Variants in UPP2 observed in about 807,000 individuals in gnomAD.
UPP2 encodes the protein UPase 2.
In UPP2, 23 loss-of-function variants were observed where a neutral mutation model predicts 26.7. The observed-to-expected ratio is 0.86, with a 90% CI of 0.62 to 1.22. The LOEUF is 1.22. Ranked by LOEUF, UPP2 falls within the 50% of genes most tolerant of loss-of-function variation. The pLI is 0.00. For synonymous variants in UPP2, 127 were observed against 141.3 expected (o/e 0.90, Z 0.72); for missense variants, 387 against 396.7 (o/e 0.98, Z 0.21).
intron 3 of UPP2, among the ~76,000 whole-genome samples, chr2:158,095,441 C>T (rs1682970165): frequency 6.6e-6 from 1 of 152,154 alleles, no homozygotes; most frequent in African/African-American, 2.4e-5. Context: ...ACCTTCAACA[C>T]CCAGATCAAA....
chr2:158,091,690 G>C (rs553418406), intron 3 of UPP2, among the ~76,000 whole-genome samples: 2 of 152,290 alleles, frequency 1.3e-5, no homozygotes, highest in East Asian at 3.9e-4. Context: ...GGGCTCAGCT[G>C]GCTGTTGGAT....
At position 158,102,030 on chromosome 2, in the gene UPP2, T is replaced by C. The variant is rs1035514004; in HGVS notation, c.-34T>C. 5 of 1,607,132 alleles carry C rather than the reference T, an allele frequency of 3.1e-6. No homozygotes were observed. The African/African-American group carries it at 5.6e-5, about 18-fold the overall frequency. On this transcript the variant is annotated 5_prime_UTR_variant, in exon 1 of 7. Coordinates refer to ENST00000005756, the MANE Select transcript of UPP2 (RefSeq NM_173355.4). Reference sequence around the variant, plus strand: ...GTCACAATATCTCTCTTTCTTGACATCAATTTAAGGTGACTTTTCACATAG... The same window carrying C: ...GTCACAATATCTCTCTTTCTTGACACCAATTTAAGGTGACTTTTCACATAG...
intron 2 of UPP2, among the ~76,000 whole-genome samples, chr2:158,111,750 A>G (rs1163710450): frequency 6.6e-6 from 1 of 151,638 alleles, no homozygotes; most frequent in African/African-American, 2.4e-5. Context: ...GTTTTGTTTC[A>G]GTTTTGTTTC....
intron 3 of UPP2, among the ~76,000 whole-genome samples, chr2:158,036,411 A>T (rs1684000772): frequency 6.6e-6 from 1 of 152,134 alleles, no homozygotes; most frequent in Admixed American, 6.5e-5. Context: ...GTTCCTGTGG[A>T]GTCCAGGTGT....
chr2:158,031,994 C>T (rs56921276), intron 3 of UPP2, among the ~76,000 whole-genome samples: 23,667 of 152,052 alleles, frequency 0.16, 3,579 homozygotes, highest in African/African-American at 0.4. Flanking sequence ...TTGTGTTCCC[C>T]TCTGGGTGGC....
At chr2:158,084,629 T>C (rs1166548377) in intron 3 of UPP2, among the ~76,000 whole-genome samples, 1 of 152,148 alleles carries the variant, frequency 6.6e-6, no homozygotes, top group Non-Finnish European at 1.5e-5. Flanking sequence ...AGTTTCAGGT[T>C]TCAGATTTAA....
intron 2 of UPP2, among the ~76,000 whole-genome samples, chr2:158,006,492 A>C (rs2105137347): frequency 6.6e-6 from 1 of 151,906 alleles, no homozygotes; most frequent in African/African-American, 2.4e-5. Context: ...AAAAAAAAAA[A>C]AAAAAAAGTC....
Position 158,016,320 on chromosome 2 carries a change from C to CA in UPP2, c.147+442dup, listed in dbSNP as rs1293214399. Among the ~76,000 whole-genome samples the CA allele has an allele frequency of 1.1e-4, 16 of 151,196 alleles. No individual in the cohort carries two copies. The South Asian group carries it at 2.5e-3, about 24-fold the overall frequency. On this transcript the variant is annotated intron_variant, in intron 3 of 9. Transcript: ENST00000605860. The stretch of plus-strand genomic sequence containing the variant: ...GAGGTTTATGGATGACTTATATTAG[C>CA]AAAAAAAATTCTTGTGAATTAGATG...
chr2:158,048,789 C>A (rs1335508355), intron 3 of UPP2, among the ~76,000 whole-genome samples: 7 of 152,170 alleles, frequency 4.6e-5, no homozygotes, highest in South Asian at 2.1e-4. Flanking sequence ...TCTTGCTTCC[C>A]TGGGATCTAC....
intron 3 of UPP2, among the ~76,000 whole-genome samples, chr2:158,041,422 T>C (rs1346047113): frequency 1.3e-5 from 2 of 152,176 alleles, no homozygotes; most frequent in Non-Finnish European, 2.9e-5. Context: ...CATGAGAGGG[T>C]CATTTCTGCA....
chr2:158,123,627 A>C (rs574627867), intron 5 of UPP2, 122 bp from the exon 6 acceptor site: 35 of 1,173,316 alleles, frequency 3.0e-5, no homozygotes, highest in Non-Finnish European at 4.0e-5. Context: ...TTTATCCTAC[A>C]CGGGGAGCAC....
chr2:158,037,353 C>A (rs548034765), intron 3 of UPP2, among the ~76,000 whole-genome samples: 28 of 151,862 alleles, frequency 1.8e-4, no homozygotes, highest in East Asian at 3.9e-4. Context: ...CCAGCCTGGG[C>A]AACAGGCTGG....
intron 1 of UPP2, among the ~76,000 whole-genome samples, chr2:158,102,734 C>T (rs1403827744): frequency 6.6e-6 from 1 of 152,108 alleles, no homozygotes; most frequent in Non-Finnish European, 1.5e-5. Flanking sequence ...TTGCTGGTTC[C>T]CTCTGATTTC....
At chr2:158,104,650 G>A (rs974031598) in intron 1 of UPP2, among the ~76,000 whole-genome samples, 6 of 152,106 alleles carry the variant, frequency 3.9e-5, no homozygotes, top group African/African-American at 1.4e-4. Flanking sequence ...GGCTAGGCAT[G>A]ATGGCTCACA....
upstream of UPP2, among the ~76,000 whole-genome samples, chr2:158,100,858 A>G (rs754894455): frequency 2.0e-5 from 3 of 152,122 alleles, no homozygotes; most frequent in Admixed American, 6.5e-5. Context: ...TTTCCTTCCT[A>G]TTCTGTAAAC....
chr2:158,080,548 G>A (rs564753028), intron 3 of UPP2, among the ~76,000 whole-genome samples: 29 of 152,188 alleles, frequency 1.9e-4, no homozygotes, highest in South Asian at 4.2e-4. Flanking sequence ...GATTATACCC[G>A]GAACAATGCA....
intron 2 of UPP2, among the ~76,000 whole-genome samples, chr2:158,002,522 C>A (rs935735533): frequency 4.6e-5 from 7 of 152,264 alleles, no homozygotes; most frequent in Non-Finnish European, 8.8e-5. Flanking sequence ...ATCTGGCAGG[C>A]CTGCCTGCAC....
rs181075058 is a variant in UPP2 at position 158,074,213 on chromosome 2, A to C, written c.148-27827A>C. ...ACAAAATCCAAACAGAAAAGAAAGA[A>C]AATACATCATCTGAAGATAGAAAAC... is the stretch of plus-strand genomic sequence containing the variant. On this transcript the variant is annotated intron_variant, in intron 3 of 9. Transcript: ENST00000605860. Among the ~76,000 whole-genome samples the C allele has an allele frequency of 4.6e-3, 706 of 152,252 alleles. 17 individuals carry two copies. The highest frequency in any genetic ancestry group is 3.3e-3 in the Non-Finnish European group (221 of 67,998).
At chr2:158,069,808 A>G (rs1011685223) in intron 3 of UPP2, among the ~76,000 whole-genome samples, 4 of 152,182 alleles carry the variant, frequency 2.6e-5, no homozygotes, top group African/African-American at 9.7e-5. Flanking sequence ...GCTTATAAAC[A>G]ACAGAAATTT....
Sources: allele counts gnomAD v4.1 joint callset (sites outside exome capture counted in the v4.1 genomes callset), GRCh38; gene constraint gnomAD v4.1.1; transcripts MANE v1.5; gene names NCBI Gene and HGNC (gene_info 2026-07-23, HGNC 2026-07-21).